PUDP: variants seen among roughly 807,000 people sequenced by gnomAD.
PUDP encodes the protein pseudouridine 5'-phosphatase, also known as pseudouridine-5'-phosphatase.
Under a neutral mutation model 9.4 loss-of-function variants are expected in PUDP, and 8 were observed. The observed-to-expected ratio is 0.85, with a 90% CI of 0.50 to 1.53. The LOEUF (loss-of-function observed/expected upper bound fraction) is 1.53, where lower values mean the gene tolerates loss of function less well. PUDP is among the 40% of genes most tolerant of loss of function. The pLI is 0.00. For synonymous variants in PUDP, 99 were observed against 80.7 expected (o/e 1.23, Z -1.22); for missense variants, 188 against 189.7 (o/e 0.99, Z 0.05).
rs760333926 is a variant in PUDP, at chrX:6,951,271, ATCTAATCT to A, written c.*247+25854_*247+25861del. Among the ~76,000 whole-genome samples the A allele has an allele frequency of 5.1e-3, 536 of 104,939 alleles. 2 individuals are homozygous for A. The highest frequency in any genetic ancestry group is 0.018 in the African/African-American group (515 of 28,511). The allele number at this position is 104,939 out of a possible 115,157, so 91.1% of individuals were successfully genotyped here. ...TATCTATCTATCTATCTATCTATCTATCTAATCTATCTATCCATCCATCCATCCATCCA... is the reference window on the plus strand; with the variant it reads ...TATCTATCTATCTATCTATCTATCTAATCTATCCATCCATCCATCCATCCA... On this transcript the variant is annotated intron_variant and NMD_transcript_variant, in intron 3 of 3. Transcript: ENST00000655425.
At chrX:6,876,573 T>C (rs1927257204) in intron 3 of PUDP, among the ~76,000 whole-genome samples, 2 of 109,121 alleles carry the variant, frequency 1.8e-5, no homozygotes, top group African/African-American at 6.7e-5. Flanking sequence ...TACCTATGTG[T>C]GACCTATGGT....
chrX:6,783,728 C>T (rs1302660336), intron 3 of PUDP, among the ~76,000 whole-genome samples: 2 of 111,802 alleles, frequency 1.8e-5, no homozygotes, highest in Admixed American at 9.5e-5. Context: ...CCAGAGAAAA[C>T]AGCTATTTAT....
At chrX:6,999,459 A>T (rs1030704811) in intron 1 of PUDP, among the ~76,000 whole-genome samples, 1 of 112,070 alleles carries the variant, frequency 8.9e-6, no homozygotes, top group Non-Finnish European at 1.9e-5. Context: ...GAAAAAATAC[A>T]TTCTTTCAAT....
At chrX:7,105,175 CTTTTTTT>C (rs202027557) in intron 2 of PUDP, among the ~76,000 whole-genome samples, 1 of 98,116 alleles carries the variant, frequency 1.0e-5, no homozygotes, top group Non-Finnish European at 2.1e-5. Flanking sequence ...CGACTTTTTA[CTTTTTTT>C]TTTTTTTAAT....
chrX:6,727,521 C>G (rs1245104544), intron 3 of PUDP, among the ~76,000 whole-genome samples: 1 of 112,100 alleles, frequency 8.9e-6, no homozygotes, highest in East Asian at 2.8e-4. Flanking sequence ...GAATTTATTC[C>G]TCAGCACTTT....
chrX:7,006,228 T>C (rs1314528153), intron 1 of PUDP, among the ~76,000 whole-genome samples: 2 of 112,003 alleles, frequency 1.8e-5, no homozygotes, highest in Non-Finnish European at 3.8e-5. Flanking sequence ...ACAGTACCTC[T>C]AGTTTTAGTT....
rs1441701209 is a variant in PUDP, at chrX:6,958,747, A to G, written c.*247+18386T>C. ...GCAACAAAAGTGAAATGCCATCTCA[A>G]AAAAAAAAAAAAAAAAAAAGAGAAA... is the stretch of plus-strand genomic sequence containing the variant. On this transcript the variant is annotated intron_variant and NMD_transcript_variant, in intron 3 of 3. Coordinates refer to the PUDP transcript ENST00000655425. Among the ~76,000 whole-genome samples the G allele has an allele frequency of 2.3e-4, 5 of 21,632 alleles. No homozygotes were observed. The South Asian group carries it at 5.4e-3, about 23-fold the overall frequency. The allele number at this position is 21,632 out of a possible 115,157, so 18.8% of individuals were successfully genotyped here. A position where few individuals can be genotyped will look rare whatever the true frequency, so the allele number is the denominator to read the frequency against.
chrX:6,743,083 A>G, intron 3 of PUDP, among the ~76,000 whole-genome samples: 1 of 112,236 alleles, frequency 8.9e-6, no homozygotes, highest in South Asian at 3.7e-4. Context: ...GATGAAGAAT[A>G]CACAACGGCT....
chrX:7,096,296 G>A (rs1466222802), intron 2 of PUDP, among the ~76,000 whole-genome samples: 4 of 111,729 alleles, frequency 3.6e-5, no homozygotes, highest in African/African-American at 9.8e-5. Context: ...TTATGTCAGC[G>A]GCCTCATTCC....
chrX:6,716,090 C>T (rs982161062), intron 1 of PUDP, among the ~76,000 whole-genome samples: 3 of 108,608 alleles, frequency 2.8e-5, no homozygotes, highest in Non-Finnish European at 5.7e-5. Context: ...ATGATAAATA[C>T]ATACTTGTGA....
intron 3 of PUDP, among the ~76,000 whole-genome samples, chrX:6,750,273 T>C (rs376130731): frequency 8.9e-6 from 1 of 112,040 alleles, no homozygotes; most frequent in Non-Finnish European, 1.9e-5. Context: ...TGCAGCCCAC[T>C]GGAGTCTTGG....
At chrX:6,809,794 C>T (rs62590378) in intron 3 of PUDP, among the ~76,000 whole-genome samples, 11,743 of 111,109 alleles carry the variant, frequency 0.11, 543 homozygotes, top group Non-Finnish European at 0.14. Flanking sequence ...TGATCAGGCA[C>T]AGTTGCAAAA....
intron 1 of PUDP, among the ~76,000 whole-genome samples, chrX:6,982,881 C>T (rs751448212): frequency 2.7e-5 from 3 of 112,531 alleles, no homozygotes; most frequent in African/African-American, 9.7e-5. Context: ...CACTGTCATA[C>T]TTTTGCAAAG....
At chrX:6,859,490 G>A (rs1926964042) in intron 3 of PUDP, among the ~76,000 whole-genome samples, 2 of 108,606 alleles carry the variant, frequency 1.8e-5, no homozygotes, top group Non-Finnish European at 3.8e-5. Flanking sequence ...AGTTTTGAAA[G>A]GCCACAAGAA....
intron 3 of PUDP, among the ~76,000 whole-genome samples, chrX:6,872,813 T>C (rs1253242108): frequency 1.8e-5 from 2 of 109,276 alleles, no homozygotes; most frequent in East Asian, 2.9e-4. Context: ...ATTCAATCCA[T>C]AACCATACAT....
chrX:7,036,168 G>A (rs989324917), intron 1 of PUDP, among the ~76,000 whole-genome samples: 11 of 111,626 alleles, frequency 9.9e-5, no homozygotes, highest in African/African-American at 3.3e-4. Flanking sequence ...CCAGCCTCAG[G>A]TATTCTTTAT....
intron 3 of PUDP, among the ~76,000 whole-genome samples, chrX:6,805,956 T>G (rs779605116): frequency 8.9e-6 from 1 of 111,869 alleles, no homozygotes; most frequent in Non-Finnish European, 1.9e-5. Context: ...TCATTTGGAA[T>G]GCCAATTAAC....
chrX:6,946,840 T>C (rs1262373002), intron 3 of PUDP, among the ~76,000 whole-genome samples: 3 of 112,031 alleles, frequency 2.7e-5, no homozygotes, highest in Non-Finnish European at 5.6e-5. Context: ...ATCATTCCAG[T>C]GGTGGGTTTG....
upstream of PUDP, among the ~76,000 whole-genome samples, chrX:6,726,460 C>T (rs748880375): frequency 4.5e-5 from 5 of 111,588 alleles, no homozygotes; most frequent in South Asian, 1.5e-3. Flanking sequence ...AAATGATAAA[C>T]GTTTGAGGTG....
Sources: allele counts gnomAD v4.1 joint callset (sites outside exome capture counted in the v4.1 genomes callset), GRCh38; gene constraint gnomAD v4.1.1; transcripts MANE v1.5; gene names NCBI Gene and HGNC (gene_info 2026-07-23, HGNC 2026-07-21).